Variants in LRRC53 observed in about 807,000 individuals in gnomAD.
The protein encoded by LRRC53 is leucine-rich repeat-containing protein 53.
In LRRC53, 25 loss-of-function variants were observed where a neutral mutation model predicts 13.6. The observed-to-expected ratio is 1.83, with a 90% confidence interval of 1.34 to 2.56. The LOEUF (loss-of-function observed/expected upper bound fraction) is 2.56, where lower values mean the gene tolerates loss of function less well. Among genes scored for constraint, LRRC53 ranks in the 30% most tolerant of loss-of-function variants. The pLI is 0.00. For missense variants in LRRC53, 527 were observed against 275.8 expected (o/e 1.91, Z -6.45); for synonymous variants, 204 against 109.8 (o/e 1.86, Z -5.37).
the LRRC53 span, among the ~76,000 whole-genome samples, chr1:74,525,966 G>A: frequency 2.0e-5 from 3 of 152,338 alleles, no homozygotes; most frequent in East Asian, 1.9e-4. Context: ...TGACAGCAAA[G>A]AATACACAGA....
At chr1:74,495,503 A>C (rs1669285545) in intron 1 of LRRC53, among the ~76,000 whole-genome samples, 1 of 152,242 alleles carries the variant, frequency 6.6e-6, no homozygotes, top group African/African-American at 2.4e-5. Flanking sequence ...GTGTGTAATC[A>C]GTGAATGAGC....
chr1:74,486,772 AGAG>A (rs138873943), intron 1 of LRRC53, among the ~76,000 whole-genome samples: 2,382 of 152,226 alleles, frequency 0.016, 39 homozygotes, highest in Non-Finnish European at 0.024. Flanking sequence ...TGAAACCAAA[AGAG>A]GAGACTAAGA....
At chr1:74,523,373 A>G in the LRRC53 span, among the ~76,000 whole-genome samples, 1 of 152,210 alleles carries the variant, frequency 6.6e-6, no homozygotes, top group African/African-American at 2.4e-5. Context: ...ATCTAAGAGA[A>G]CAAGCAATTT....
Position 74,470,537 on chromosome 1 carries a change from G to T in LRRC53, c.3085C>A (p.Gln1029Lys), listed in dbSNP as rs1372065283. The T allele has an allele frequency of 2.5e-6, 1 of 400,450 alleles. No individual in the cohort carries two copies. The highest frequency in any genetic ancestry group is 4.4e-5 in the Admixed American group (1 of 22,704). 24.8% of individuals were successfully genotyped at this position (400,450 alleles called of 1,614,324 possible). A position where few individuals can be genotyped will look rare whatever the true frequency, so the allele number is the denominator to read the frequency against. The change falls in exon 5 of 5, where the codon CAA becomes AAA. Residue 1029 changes from glutamine (Q) to lysine (K), a missense_variant. Coordinates refer to ENST00000294635, the MANE Select transcript of LRRC53 (RefSeq NM_001382280.1). ...TCCTTGGGAAGTTCTATTCTATTTT[G>T]GTATGGAATTGAATTTGTCTTCATA... ...SFMKTNSIPY[Q>K]NRIELPKDIS... is the part of the protein sequence containing the mutation.
chr1:74,474,023 G>A (rs1402059246), intron 4 of LRRC53, among the ~76,000 whole-genome samples: 1 of 152,086 alleles, frequency 6.6e-6, no homozygotes, highest in Non-Finnish European at 1.5e-5. Flanking sequence ...GCCCTCTCTA[G>A]TTCTGGTACA....
In LRRC53 at chr1:74,471,159, A is replaced by G. The variant is rs1444226653; in HGVS notation, c.2463T>C (p.Ser821=). 5.0e-6 allele frequency: 2 copies of G among 400,734 alleles called. No homozygotes were observed. Among genetic ancestry groups the G allele is most frequent in the Non-Finnish European group, 8.8e-6 (2 of 226,194 alleles). 24.8% of individuals were successfully genotyped at this position (400,734 alleles called of 1,614,324 possible). The change falls in exon 5 of 5, where the codon TCT becomes TCC. Residue 821 remains serine, a synonymous_variant. Transcript: ENST00000294635. The stretch of plus-strand genomic sequence containing the variant: ...CAGCTGAGTAACAGCTGCTTTCTAT[A>G]GAGCTCTGGTTGACTACACGCAAGT... The part of the protein sequence containing the change: ...ANNLRVVNQS[S]IESSCYSAGH...
chr1:74,508,779 G>A (rs1006673503), intron 1 of LRRC53, among the ~76,000 whole-genome samples: 1 of 152,192 alleles, frequency 6.6e-6, no homozygotes, highest in Non-Finnish European at 1.5e-5. Context: ...CTGGGAAAGA[G>A]CTTGCATCTT....
upstream of LRRC53, among the ~76,000 whole-genome samples, chr1:74,514,456 G>A (rs1327145348): frequency 2.0e-5 from 3 of 152,146 alleles, no homozygotes; most frequent in Non-Finnish European, 2.9e-5. Context: ...AATTGCTGTT[G>A]TTCTCTACTA....
At chr1:74,494,437 T>A (rs1570698111) in intron 1 of LRRC53, among the ~76,000 whole-genome samples, 3 of 152,320 alleles carry the variant, frequency 2.0e-5, no homozygotes, top group South Asian at 4.1e-4. Context: ...GTTTGATTGA[T>A]AACCACACAA....
upstream of LRRC53, among the ~76,000 whole-genome samples, chr1:74,515,801 C>G (rs1304846420): frequency 6.6e-6 from 1 of 152,172 alleles, no homozygotes; most frequent in Non-Finnish European, 1.5e-5. Context: ...TGAGGTTTTT[C>G]TCTTCAGAAG....
At chr1:74,489,999 C>A (rs1668974173) in intron 1 of LRRC53, among the ~76,000 whole-genome samples, 1 of 137,900 alleles carries the variant, frequency 7.3e-6, no homozygotes, top group Non-Finnish European at 1.5e-5. Context: ...CCTGAGATTG[C>A]ACCACTAAGT....
At chr1:74,518,592 C>G in the LRRC53 span, among the ~76,000 whole-genome samples, 6 of 152,258 alleles carry the variant, frequency 3.9e-5, no homozygotes, top group African/African-American at 1.4e-4. Flanking sequence ...GCTTATGGTT[C>G]CCGTGTTTCA....
chr1:74,502,626 A>G (rs1159581189), intron 1 of LRRC53, among the ~76,000 whole-genome samples: 1 of 152,188 alleles, frequency 6.6e-6, no homozygotes, highest in Admixed American at 6.5e-5. Flanking sequence ...ACTACCTCGC[A>G]CTTAAACTGC....
the LRRC53 span, among the ~76,000 whole-genome samples, chr1:74,520,232 T>C: frequency 6.6e-6 from 1 of 152,094 alleles, no homozygotes; most frequent in African/African-American, 2.4e-5. Context: ...TGATTATAAA[T>C]GATAATTCAG....
chr1:74,503,815 A>G (rs1206217008), intron 1 of LRRC53, among the ~76,000 whole-genome samples: 4 of 152,234 alleles, frequency 2.6e-5, no homozygotes, highest in African/African-American at 9.6e-5. Context: ...TAACAAAATC[A>G]GAAAATCTCC....
chr1:74,491,033 T>C (rs1012594651), intron 1 of LRRC53, among the ~76,000 whole-genome samples: 1 of 152,194 alleles, frequency 6.6e-6, no homozygotes, highest in East Asian at 1.9e-4. Context: ...TGTTCTGAAA[T>C]GGCAAAGTGG....
At chr1:74,501,857 G>GA (rs1276907477) in intron 1 of LRRC53, among the ~76,000 whole-genome samples, 12 of 152,092 alleles carry the variant, frequency 7.9e-5, no homozygotes, top group African/African-American at 2.9e-4. Context: ...TGGGCTGGCA[G>GA]ATGAGACTTC....
At chr1:74,505,895 G>T (rs989293631) in intron 1 of LRRC53, among the ~76,000 whole-genome samples, 1 of 152,144 alleles carries the variant, frequency 6.6e-6, no homozygotes, top group African/African-American at 2.4e-5. Flanking sequence ...ATGTTTTAAA[G>T]GCCTCATCTG....
intron 1 of LRRC53, among the ~76,000 whole-genome samples, chr1:74,495,186 T>C (rs1669267079): frequency 6.6e-6 from 1 of 152,216 alleles, no homozygotes; most frequent in Admixed American, 6.5e-5. Context: ...CAAGTTTCTC[T>C]TAACAGCATG....
Sources: gnomAD v4.1 joint callset for allele counts (sites outside exome capture counted in the v4.1 genomes callset) on GRCh38, gnomAD v4.1.1 for gene constraint, MANE v1.5 for transcripts, NCBI Gene and HGNC (gene_info 2026-07-23, HGNC 2026-07-21) for gene names.